The following STXBP5L variants were observed in gnomAD, a reference collection of about 807,000 sequenced individuals.
STXBP5L encodes syntaxin binding protein 5L, also known as syntaxin-binding protein 5-like.
In STXBP5L, 65 loss-of-function variants were observed where a neutral mutation model predicts 144.5. The observed-to-expected ratio is 0.45, with a 90% CI of 0.37 to 0.55. The LOEUF is 0.55. STXBP5L is among the 20% of genes least tolerant of loss of function. The probability of loss-of-function intolerance (pLI) is 0.00; values close to 1 mark genes in which losing one functional copy is unlikely to be tolerated. For missense variants in STXBP5L, 1,298 were observed against 1,405.5 expected (o/e 0.92, Z 1.22); for synonymous variants, 505 against 469.6 (o/e 1.08, Z -0.97).
intron 25 of STXBP5L, among the ~76,000 whole-genome samples, chr3:121,416,894 A>G (rs578039578): frequency 6.4e-4 from 98 of 152,306 alleles, no homozygotes; most frequent in Middle Eastern, 6.8e-3. Context: ...TCCTACCATC[A>G]TTTGGTCCTA....
intron 2 of STXBP5L, among the ~76,000 whole-genome samples, chr3:120,939,260 T>TA (rs1255582806): frequency 6.6e-6 from 1 of 152,210 alleles, no homozygotes; most frequent in Non-Finnish European, 1.5e-5. Context: ...ATTGTATACA[T>TA]ATAGACTTCT....
chr3:121,333,849 C>A (rs1024519814), intron 20 of STXBP5L, among the ~76,000 whole-genome samples: 3 of 152,108 alleles, frequency 2.0e-5, no homozygotes, highest in African/African-American at 7.2e-5. Flanking sequence ...CTCAACAGAC[C>A]AATAACAAGC....
At chr3:121,077,502 T>G (rs920938468) in intron 5 of STXBP5L, among the ~76,000 whole-genome samples, 1 of 152,094 alleles carries the variant, frequency 6.6e-6, no homozygotes, top group Admixed American at 6.5e-5. Context: ...ATAAAGGCAG[T>G]GTGGACCCAA....
chr3:120,976,328 G>T (rs1314861158), intron 3 of STXBP5L, among the ~76,000 whole-genome samples: 2 of 152,180 alleles, frequency 1.3e-5, no homozygotes, highest in Non-Finnish European at 2.9e-5. Context: ...TAGTTTATTT[G>T]TGTAGAGGTG....
intron 5 of STXBP5L, among the ~76,000 whole-genome samples, chr3:121,090,235 ATGT>A (rs1390857580): frequency 6.6e-6 from 1 of 151,974 alleles, no homozygotes; most frequent in Non-Finnish European, 1.5e-5. Context: ...GGAAGGTCAG[ATGT>A]TGTGTTATTA....
chr3:121,382,353 T>C (rs1169853776), intron 22 of STXBP5L, among the ~76,000 whole-genome samples: 1 of 152,110 alleles, frequency 6.6e-6, no homozygotes, highest in Non-Finnish European at 1.5e-5. Flanking sequence ...GAATAGTCAG[T>C]TCTCTACTAA....
At chr3:121,324,558 C>T (rs2044082355) in intron 20 of STXBP5L, 4 of 696,910 alleles carry the variant, frequency 5.7e-6, no homozygotes, top group South Asian at 1.5e-5. Flanking sequence ...AGCTATGAGA[C>T]AGAGGAATCA....
intron 3 of STXBP5L, among the ~76,000 whole-genome samples, chr3:120,964,289 T>C (rs1200245904): frequency 6.6e-6 from 1 of 152,180 alleles, no homozygotes; most frequent in African/African-American, 2.4e-5. Flanking sequence ...TCTGCTCTGA[T>C]CTTAGTTATT....
intron 3 of STXBP5L, among the ~76,000 whole-genome samples, chr3:121,037,754 G>A (rs557003254): frequency 4.6e-5 from 7 of 152,024 alleles, no homozygotes; most frequent in Admixed American, 1.3e-4. Context: ...TCCTCTAAAT[G>A]TGTCATAGAT....
At chr3:121,170,501 A>G (rs1453107394) in intron 9 of STXBP5L, among the ~76,000 whole-genome samples, 1 of 152,206 alleles carries the variant, frequency 6.6e-6, no homozygotes. Flanking sequence ...AAAAAATGAT[A>G]AATTGTATAT....
intron 3 of STXBP5L, among the ~76,000 whole-genome samples, chr3:120,995,747 A>T (rs1184674600): frequency 6.6e-6 from 1 of 152,156 alleles, no homozygotes; most frequent in Non-Finnish European, 1.5e-5. Context: ...GCCATATCAG[A>T]TAATGTTATA....
intron 9 of STXBP5L, among the ~76,000 whole-genome samples, chr3:121,160,304 A>G (rs2046274478): frequency 6.6e-6 from 1 of 152,158 alleles, no homozygotes; most frequent in African/African-American, 2.4e-5. Flanking sequence ...GGCATCCATT[A>G]CATATCCTAT....
intron 11 of STXBP5L, among the ~76,000 whole-genome samples, chr3:121,233,390 A>G (rs1189064347): frequency 6.6e-6 from 1 of 152,196 alleles, no homozygotes; most frequent in Non-Finnish European, 1.5e-5. Flanking sequence ...ATATATTTAT[A>G]CTATGCTACT....
At chr3:121,274,675 G>T (rs748683988) in intron 18 of STXBP5L, among the ~76,000 whole-genome samples, 2 of 152,184 alleles carry the variant, frequency 1.3e-5, no homozygotes, top group African/African-American at 4.8e-5. Context: ...TGGGGCACAG[G>T]TGCATTTTTT....
chr3:121,151,835 G>A (rs965733085), intron 7 of STXBP5L, among the ~76,000 whole-genome samples: 1 of 151,404 alleles, frequency 6.6e-6, no homozygotes, highest in African/African-American at 2.4e-5. Context: ...AGTATGGCTA[G>A]CATTGTTTAG....
intron 3 of STXBP5L, among the ~76,000 whole-genome samples, chr3:120,979,121 TTTTG>T (rs1204903952): frequency 6.6e-6 from 1 of 152,170 alleles, no homozygotes; most frequent in Non-Finnish European, 1.5e-5. Flanking sequence ...ACTGCTGTCT[TTTTG>T]TTTGTCTGTG....
At chr3:121,293,054 C>T (rs2051505334) in intron 19 of STXBP5L, among the ~76,000 whole-genome samples, 1 of 152,222 alleles carries the variant, frequency 6.6e-6, no homozygotes, top group Admixed American at 6.5e-5. Flanking sequence ...AAATTTTAAA[C>T]ACTAAAACAA....
rs139355033 is a variant in STXBP5L, at chr3:121,351,546, G to C, written c.2177-27170G>C. On this transcript the variant is annotated intron_variant, in intron 20 of 26. Coordinates refer to ENST00000471454, the MANE Select transcript of STXBP5L (RefSeq NM_001308330.2). Reference sequence around the variant, plus strand: ...ACTTTTTGATGGGGTTGTTTGTTTTGTTCTTGTAAATTTGTTTAAGTTCTT... The same window carrying C: ...ACTTTTTGATGGGGTTGTTTGTTTTCTTCTTGTAAATTTGTTTAAGTTCTT... Among the ~76,000 whole-genome samples, 696 of 152,042 alleles carry C rather than the reference G, an allele frequency of 4.6e-3. 9 individuals are homozygous for C. The highest frequency in any genetic ancestry group is 0.016 in the African/African-American group (664 of 41,484).
At chr3:121,108,210 C>A (rs2107803850) in intron 5 of STXBP5L, among the ~76,000 whole-genome samples, 1 of 152,284 alleles carries the variant, frequency 6.6e-6, no homozygotes, top group East Asian at 1.9e-4. Context: ...TTATTTCTTT[C>A]TCTTGCCTGA....
Sources: allele counts gnomAD v4.1 joint callset (sites outside exome capture counted in the v4.1 genomes callset), GRCh38; gene constraint gnomAD v4.1.1; transcripts MANE v1.5; gene names NCBI Gene and HGNC (gene_info 2026-07-23, HGNC 2026-07-21).